Variants in SLC6A11 observed in about 807,000 individuals in gnomAD.
The protein encoded by SLC6A11 is solute carrier family 6 member 11, also known as sodium- and chloride-dependent GABA transporter 3.
Under a neutral mutation model 74.8 loss-of-function variants are expected in SLC6A11, and 25 were observed. That is an observed-to-expected ratio of 0.33 (90% CI 0.24 to 0.47). SLC6A11 has a LOEUF of 0.47. SLC6A11 is among the 20% of genes least tolerant of loss of function. The pLI is 1.00. For missense variants in SLC6A11, 574 were observed against 837.0 expected (o/e 0.69, Z 3.88); for synonymous variants, 330 against 330.2 (o/e 1.00, Z 0.01).
At chr3:10,885,127 C>A (rs927938420) in intron 6 of SLC6A11, among the ~76,000 whole-genome samples, 1 of 152,182 alleles carries the variant, frequency 6.6e-6, no homozygotes, top group Non-Finnish European at 1.5e-5. Context: ...GATCCTGGAT[C>A]GTACAACCTT....
chr3:10,816,372 CG>C lies in SLC6A11; in HGVS notation c.108del (p.Arg37AlafsTer25), dbSNP rs1412441673. 1 of 1,480,518 alleles carries C rather than the reference CG, an allele frequency of 6.8e-7. No homozygotes were observed. Among genetic ancestry groups the C allele is most frequent in the Admixed American group, 2.5e-5 (1 of 40,206 alleles). 91.7% of individuals were successfully genotyped at this position (1,480,518 alleles called of 1,614,324 possible). On this transcript the variant is annotated frameshift_variant, in exon 1 of 14. Transcript: ENST00000254488. LOFTEE classifies it high-confidence loss of function. This position sits in a 1 kb window ranked among gnomAD's most constrained non-coding sequence, Gnocchi z 4.2. ...TGCAGCAGCGGGGGCGCGGCGCCCGCGCGCCACCCGCGCGTCAAGCGCGACA... is the reference window on the plus strand; with the variant it reads ...TGCAGCAGCGGGGGCGCGGCGCCCGCCGCCACCCGCGCGTCAAGCGCGACA... ...GGCSSGGAAPARHPRVKRDKA... is the reference protein window; with the variant it reads ...GGCSSGGAAPXRHPRVKRDKA...
intron 5 of SLC6A11, among the ~76,000 whole-genome samples, chr3:10,853,338 C>A (rs1694599868): frequency 6.6e-6 from 1 of 152,178 alleles, no homozygotes; most frequent in South Asian, 2.1e-4. Flanking sequence ...GATGGCTAAG[C>A]CGCAGCTGGC....
At chr3:10,832,677 C>T (rs750603465) in intron 4 of SLC6A11, among the ~76,000 whole-genome samples, 10 of 152,166 alleles carry the variant, frequency 6.6e-5, no homozygotes, top group Non-Finnish European at 1.3e-4. Flanking sequence ...AGTATTTCCC[C>T]GTACTCTTAG....
At chr3:10,933,310 T>A in intron 11 of SLC6A11, 57 bp downstream of exon 11, 1 of 1,240,252 alleles carries the variant, frequency 8.1e-7, no homozygotes, top group Non-Finnish European at 1.2e-6. Flanking sequence ...CCCAGGATCC[T>A]GGTGCTTGGA....
At chr3:10,927,565 C>G (rs1227382023) in intron 9 of SLC6A11, among the ~76,000 whole-genome samples, 3 of 152,208 alleles carry the variant, frequency 2.0e-5, no homozygotes, top group East Asian at 1.9e-4. Flanking sequence ...GCCTCTTGGC[C>G]TACACACTGC....
rs566734428 is a variant in SLC6A11, at chr3:10,876,782, GAGA to G, written c.891+1689_891+1691del. Among the ~76,000 whole-genome samples the G allele has an allele frequency of 4.7e-3, 499 of 106,858 alleles. 5 individuals are homozygous for G. The highest frequency in any genetic ancestry group is 0.021 in the African/African-American group (464 of 21,812). The allele number at this position is 106,858 out of a possible 152,430, so 70.1% of individuals were successfully genotyped here. A position where few individuals can be genotyped will look rare whatever the true frequency, so the allele number is the denominator to read the frequency against. On this transcript the variant is annotated intron_variant, in intron 6 of 13. Transcript: ENST00000254488. ...CCTCCCACACAGAGAGAGAGAGAGA[GAGA>G]AAAAAAAAAAACAAACGAGAACTAA...
chr3:10,866,773 C>G (rs919287394), intron 5 of SLC6A11, among the ~76,000 whole-genome samples: 1 of 152,208 alleles, frequency 6.6e-6, no homozygotes, highest in African/African-American at 2.4e-5. Context: ...AAGTTTTCCC[C>G]TACATTTACT....
intron 6 of SLC6A11, among the ~76,000 whole-genome samples, chr3:10,885,828 C>T (rs982632562): frequency 6.6e-6 from 1 of 152,142 alleles, no homozygotes; most frequent in Non-Finnish European, 1.5e-5. Context: ...GGTCTCTATT[C>T]TACTCATCTC....
At chr3:10,836,511 T>G (rs1163572302) in intron 4 of SLC6A11, among the ~76,000 whole-genome samples, 1 of 152,260 alleles carries the variant, frequency 6.6e-6, no homozygotes, top group East Asian at 1.9e-4. Flanking sequence ...CACCAACATT[T>G]GTTATTGTCT....
chr3:10,870,042 G>A (rs1694810999), intron 5 of SLC6A11, among the ~76,000 whole-genome samples: 1 of 152,144 alleles, frequency 6.6e-6, no homozygotes, highest in South Asian at 2.1e-4. Context: ...GCCTATTTCT[G>A]CGTCCTTGGC....
Position 10,934,118 on chromosome 3 carries a change from G to A in SLC6A11, c.1527G>A (p.Pro509=), listed in dbSNP as rs777121307. 6.8e-6 allele frequency: 11 copies of A among 1,613,956 alleles called. No individual in the cohort carries two copies. Among genetic ancestry groups the A allele is most frequent in the South Asian group, 3.3e-5 (3 of 91,058 alleles). The change falls in exon 12 of 14, where the codon CCG becomes CCA. Residue 509 remains proline, a synonymous_variant. Coordinates refer to ENST00000254488, the MANE Select transcript of SLC6A11 (RefSeq NM_014229.3). Reference sequence around the variant, plus strand: ...AAGACATGATTGGCTACCGGCCACCGTCGCTCATTAAGTGGTGCTGGATGA... The same window carrying A: ...AAGACATGATTGGCTACCGGCCACCATCGCTCATTAAGTGGTGCTGGATGA... ...NIEDMIGYRP[P]SLIKWCWMIM...
rs1694474478 is a variant in SLC6A11, at chr3:10,844,236, G to A, written c.646G>A (p.Asp216Asn). The A allele has an allele frequency of 2.5e-6, 4 of 1,614,208 alleles. No homozygotes were observed. The highest frequency in any genetic ancestry group is 1.7e-6 in the Non-Finnish European group (2 of 1,180,030). The change falls in exon 5 of 14, where the codon GAC (aspartate) becomes AAC (asparagine). Residue 216 changes from aspartate (D) to asparagine (N), a missense_variant. This residue lies in a region of SLC6A11 where 215 missense variants were observed against 357.9 expected (regional missense o/e 0.60). Coordinates refer to ENST00000254488, the MANE Select transcript of SLC6A11 (RefSeq NM_014229.3). ...FWEHRVLAIS[D>N]GIEHIGNLRW... The stretch of plus-strand genomic sequence containing the variant: ...CAGGCACCGGGTCCTGGCCATCTCT[G>A]ACGGGATCGAGCACATCGGGAACCT...
At chr3:10,934,232 C>A (rs1695728561) in intron 12 of SLC6A11, 66 bp downstream of exon 12, 3 of 1,115,860 alleles carry the variant, frequency 2.7e-6, no homozygotes, top group East Asian at 2.4e-5. Flanking sequence ...ACCCACGTTT[C>A]CACTCCGTAG....
chr3:10,873,963 C>CTACGA (rs1694875646), intron 5 of SLC6A11, among the ~76,000 whole-genome samples: 3 of 139,112 alleles, frequency 2.2e-5, no homozygotes, highest in Non-Finnish European at 4.5e-5. Flanking sequence ...CTATGCTACG[C>CTACGA]TATGCTATGC....
At chr3:10,929,142 C>T (rs1204244193) in intron 9 of SLC6A11, 60 bp from the exon 10 acceptor site, 8 of 1,586,664 alleles carry the variant, frequency 5.0e-6, no homozygotes, top group Non-Finnish European at 6.9e-6. Flanking sequence ...TTGCCCAGAG[C>T]CTGGGCCACC....
Position 10,849,407 on chromosome 3 carries a change from C to T in SLC6A11, c.756+5061C>T, listed in dbSNP as rs146984555. On this transcript the variant is annotated intron_variant, in intron 5 of 13. Transcript: ENST00000254488. ...CCATCTTGCCCATCCCTGTCACCAG[C>T]TCCTTCTCCTGGTCTCCTGGGCCTG... Among the ~76,000 whole-genome samples, 913 of 152,276 alleles carry T rather than the reference C, an allele frequency of 6.0e-3. 8 individuals are homozygous for T. Among genetic ancestry groups the T allele is most frequent in the African/African-American group, 0.021 (864 of 41,546 alleles).
intron 13 of SLC6A11, among the ~76,000 whole-genome samples, chr3:10,936,317 G>A (rs1216073594): frequency 6.6e-6 from 1 of 152,206 alleles, no homozygotes; most frequent in African/African-American, 2.4e-5. Context: ...CAGAGACTCC[G>A]GCTTGTGTGG....
At chr3:10,921,773 A>G (rs1695540439) in intron 8 of SLC6A11, among the ~76,000 whole-genome samples, 1 of 152,222 alleles carries the variant, frequency 6.6e-6, no homozygotes, top group Non-Finnish European at 1.5e-5. Flanking sequence ...ATAAAGTATA[A>G]AAGAATGGGA....
At chr3:10,876,116 C>G (rs1367783337) in intron 6 of SLC6A11, among the ~76,000 whole-genome samples, 1 of 152,166 alleles carries the variant, frequency 6.6e-6, no homozygotes, top group African/African-American at 2.4e-5. Context: ...CCAGCCACCT[C>G]CTGTTAGGGG....
Sources: allele counts gnomAD v4.1 joint callset (sites outside exome capture counted in the v4.1 genomes callset), GRCh38; gene constraint gnomAD v4.1.1; regional missense constraint gnomAD v4.1.1; non-coding constraint Gnocchi (gnomAD v3.1); transcripts MANE v1.5; gene names NCBI Gene and HGNC (gene_info 2026-07-23, HGNC 2026-07-21).